ASIC2: variants seen among roughly 807,000 people sequenced by gnomAD.
The protein encoded by ASIC2 is acid sensing ion channel subunit 2.
ASIC2 carries 25 observed loss-of-function variants against 57.3 expected under a neutral mutation model. That is an observed-to-expected ratio of 0.44 (90% CI 0.32 to 0.61). The LOEUF is 0.61. ASIC2 is among the 20% of genes least tolerant of loss of function. The probability of loss-of-function intolerance (pLI) is 0.06; values close to 1 mark genes in which losing one functional copy is unlikely to be tolerated. For synonymous variants in ASIC2, 319 were observed against 307.5 expected (o/e 1.04, Z -0.39); for missense variants, 641 against 738.1 (o/e 0.87, Z 1.52).
chr17:33,082,357 C>A (rs750719441), intron 3 of ASIC2, among the ~76,000 whole-genome samples: 1 of 152,020 alleles, frequency 6.6e-6, no homozygotes, highest in Non-Finnish European at 1.5e-5. Flanking sequence ...CACCACCAGG[C>A]TCTTTGAAGA....
intron 1 of ASIC2, among the ~76,000 whole-genome samples, chr17:33,480,225 C>T (rs773036209): frequency 7.9e-5 from 12 of 152,170 alleles, no homozygotes; most frequent in African/African-American, 2.2e-4. Flanking sequence ...TTCCTGCCCA[C>T]GTGGGGTTTC....
Position 33,648,659 on chromosome 17 carries a change from C to T in ASIC2, c.555+507319G>A, listed in dbSNP as rs866297605. ...TGTGTCAAATACAATGGGGGCTGTG[C>T]CTCTGAGGTTGCAATGTGGGGGACT... On this transcript the variant is annotated intron_variant, in intron 1 of 9. Coordinates refer to the ASIC2 transcript ENST00000359872. Among the ~76,000 whole-genome samples, 11 of 152,138 alleles carry T rather than the reference C, an allele frequency of 7.2e-5. No individual in the cohort carries two copies. The South Asian group carries it at 1.9e-3, about 26-fold the overall frequency.
At chr17:34,111,712 C>A (rs965920031) in intron 1 of ASIC2, among the ~76,000 whole-genome samples, 1 of 152,154 alleles carries the variant, frequency 6.6e-6, no homozygotes, top group South Asian at 2.1e-4. Flanking sequence ...AATCCCGTTT[C>A]TTCTCCTACA....
At chr17:33,301,459 T>A (rs762882026) in intron 1 of ASIC2, among the ~76,000 whole-genome samples, 33 of 152,268 alleles carry the variant, frequency 2.2e-4, no homozygotes, top group Non-Finnish European at 2.5e-4. Context: ...GTGGCTGGGA[T>A]TCAAACTCAA....
chr17:33,153,731 C>T (rs556760104), intron 1 of ASIC2, among the ~76,000 whole-genome samples: 1 of 152,178 alleles, frequency 6.6e-6, no homozygotes, highest in Non-Finnish European at 1.5e-5. Context: ...CTGCTATCAG[C>T]AGAGGTCTGT....
At chr17:33,779,948 C>G (rs1597872995) in intron 1 of ASIC2, among the ~76,000 whole-genome samples, 2 of 147,174 alleles carry the variant, frequency 1.4e-5, no homozygotes, top group Non-Finnish European at 3.0e-5. Context: ...CATTTAGACC[C>G]AGGTCTGGCT....
At chr17:34,127,091 G>A (rs1330653639) in intron 1 of ASIC2, among the ~76,000 whole-genome samples, 1 of 152,242 alleles carries the variant, frequency 6.6e-6, no homozygotes, top group Non-Finnish European at 1.5e-5. Flanking sequence ...GCATTTGGCA[G>A]AATCCACAGC....
intron 1 of ASIC2, among the ~76,000 whole-genome samples, chr17:33,344,947 G>A (rs540678061): frequency 2.8e-4 from 41 of 147,086 alleles, no homozygotes; most frequent in Non-Finnish European, 5.4e-4. Context: ...TTTTTTTTTA[G>A]CTGGGGACAG....
At chr17:33,562,880 A>G (rs540937153) in intron 1 of ASIC2, among the ~76,000 whole-genome samples, 1 of 152,268 alleles carries the variant, frequency 6.6e-6, no homozygotes, top group East Asian at 1.9e-4. Context: ...CACAGGATAA[A>G]CTGGGCCTGA....
At chr17:33,170,409 A>G (rs1905466942) in intron 1 of ASIC2, among the ~76,000 whole-genome samples, 1 of 152,210 alleles carries the variant, frequency 6.6e-6, no homozygotes, top group South Asian at 2.1e-4. Context: ...TTTGACTAGG[A>G]GATGTGAGAG....
intron 1 of ASIC2, among the ~76,000 whole-genome samples, chr17:33,436,318 T>C (rs1039232670): frequency 6.6e-6 from 1 of 152,246 alleles, no homozygotes; most frequent in Non-Finnish European, 1.5e-5. Flanking sequence ...ATAGTTTCTA[T>C]AAACTCTTGC....
At chr17:34,030,906 GC>G (rs995611243) in intron 1 of ASIC2, among the ~76,000 whole-genome samples, 1 of 152,260 alleles carries the variant, frequency 6.6e-6, no homozygotes, top group Admixed American at 6.5e-5. Flanking sequence ...AAGGAGGCCT[GC>G]CTGCCTCTGT....
intron 1 of ASIC2, among the ~76,000 whole-genome samples, chr17:33,350,798 A>G (rs1003881140): frequency 6.6e-6 from 1 of 152,160 alleles, no homozygotes; most frequent in Non-Finnish European, 1.5e-5. Context: ...TAAGAATCTG[A>G]TGATCTTTTA....
intron 1 of ASIC2, among the ~76,000 whole-genome samples, chr17:34,029,671 AT>A (rs988278694): frequency 1.2e-4 from 18 of 152,146 alleles, no homozygotes; most frequent in African/African-American, 4.3e-4. Context: ...AGAAAGATGT[AT>A]TTTTCTCTCT....
At chr17:33,097,227 T>G (rs1233814319) in intron 2 of ASIC2, among the ~76,000 whole-genome samples, 1 of 152,212 alleles carries the variant, frequency 6.6e-6, no homozygotes, top group East Asian at 1.9e-4. Context: ...GAGCTTTGCA[T>G]CCCCTCTGGG....
chr17:33,969,970 G>C (rs114746983), intron 1 of ASIC2, among the ~76,000 whole-genome samples: 3,468 of 152,206 alleles, frequency 0.023, 106 homozygotes, highest in African/African-American at 0.06. Flanking sequence ...GGTCCAAGCT[G>C]TCTTACACCA....
intron 1 of ASIC2, among the ~76,000 whole-genome samples, chr17:34,049,210 T>C (rs1399019885): frequency 7.9e-5 from 12 of 152,148 alleles, no homozygotes; most frequent in African/African-American, 2.7e-4. Context: ...GAGGATCACT[T>C]GAGCCCAGGA....
In ASIC2 at chr17:33,282,666, G is replaced by A. The variant is rs1292999104; in HGVS notation, c.708+8742C>T. On this transcript the variant is annotated intron_variant, in intron 1 of 9. Coordinates refer to ENST00000225823, the MANE Select transcript of ASIC2 (RefSeq NM_183377.2). ...ATTTTTGAATTTTTAGTAGAGATGG[G>A]GTTTCACCATGTTGGCCAGACTGGT... is the stretch of plus-strand genomic sequence containing the variant. Among the ~76,000 whole-genome samples the A allele has an allele frequency of 7.9e-5, 12 of 152,178 alleles. No homozygotes were observed. The South Asian group carries it at 2.3e-3, about 29-fold the overall frequency.
At chr17:33,699,890 A>G (rs1908644344) in intron 1 of ASIC2, among the ~76,000 whole-genome samples, 1 of 152,212 alleles carries the variant, frequency 6.6e-6, no homozygotes, top group African/African-American at 2.4e-5. Context: ...GTACATATAA[A>G]CTGACTACAG....
Sources: allele counts gnomAD v4.1 joint callset (sites outside exome capture counted in the v4.1 genomes callset), GRCh38; gene constraint gnomAD v4.1.1; transcripts MANE v1.5; gene names NCBI Gene and HGNC (gene_info 2026-07-23, HGNC 2026-07-21).